RAB3IP: variants seen among roughly 807,000 people sequenced by gnomAD.
The protein encoded by RAB3IP is rab-3A-interacting protein.
A neutral mutation model predicts 59.1 loss-of-function variants in RAB3IP; 36 were observed. That is an observed-to-expected ratio of 0.61 (90% confidence interval 0.47 to 0.80). The LOEUF (loss-of-function observed/expected upper bound fraction) is 0.80, where lower values mean the gene tolerates loss of function less well. Among genes scored for constraint, RAB3IP ranks in the 30% least tolerant of loss-of-function variants. The probability of loss-of-function intolerance (pLI) is 0.00; values close to 1 mark genes in which losing one functional copy is unlikely to be tolerated. For synonymous variants in RAB3IP, 207 were observed against 191.2 expected (o/e 1.08, Z -0.68); for missense variants, 511 against 536.0 (o/e 0.95, Z 0.46).
intron 10 of RAB3IP, 64 bp downstream of exon 10, chr12:69,813,097 TCAA>T: frequency 1.6e-6 from 2 of 1,221,370 alleles, no homozygotes; most frequent in East Asian, 2.4e-5. Context: ...TAAGTAAAGT[TCAA>T]CAAAAAGTAT....
In RAB3IP at chr12:69,816,440, A is replaced by G. The variant is rs1480483539; in HGVS notation, c.*994A>G. ...AGATATTTTCTACTTACATATGCAT[A>G]TTTTTGAAACAAAAAGTAGGCTTTT... is the stretch of plus-strand genomic sequence containing the variant. On this transcript the variant is annotated 3_prime_UTR_variant, in exon 11 of 11. Transcript: ENST00000247833. 6.6e-6 allele frequency: 1 copy of G among 152,144 alleles called. No individual in the cohort carries two copies. 9.4% of individuals were successfully genotyped at this position (152,144 alleles called of 1,614,324 possible). A position where few individuals can be genotyped will look rare whatever the true frequency, so the allele number is the denominator to read the frequency against.
chr12:69,770,304 G>A (rs187538732), intron 3 of RAB3IP, among the ~76,000 whole-genome samples: 25 of 152,102 alleles, frequency 1.6e-4, no homozygotes, highest in African/African-American at 4.6e-4. Context: ...CCACCCTGCC[G>A]GGGATTCCAA....
intron 3 of RAB3IP, among the ~76,000 whole-genome samples, chr12:69,762,756 C>CAAAAAAAAAAAAAAAAAAAAAA (rs11445702): frequency 2.6e-5 from 2 of 76,764 alleles, no homozygotes; most frequent in Non-Finnish European, 4.5e-5. Context: ...GACTCCGTCT[C>CAAAAAAAAAAAAAAAAAAAAAA]AAAAAAAAAA....
chr12:69,771,122 C>G (rs2136173462), intron 3 of RAB3IP, among the ~76,000 whole-genome samples: 1 of 152,292 alleles, frequency 6.6e-6, no homozygotes, highest in South Asian at 2.1e-4. Context: ...TCCTTCTGTA[C>G]TTGGTTTATT....
At chr12:69,779,586 T>C (rs2136190987) in intron 3 of RAB3IP, among the ~76,000 whole-genome samples, 1 of 152,190 alleles carries the variant, frequency 6.6e-6, no homozygotes, top group South Asian at 2.1e-4. Flanking sequence ...TCACTTATCC[T>C]GCCTTTGAGC....
chr12:69,761,890 A>T (rs1208655201), intron 3 of RAB3IP, among the ~76,000 whole-genome samples: 2 of 152,072 alleles, frequency 1.3e-5, no homozygotes, highest in Non-Finnish European at 2.9e-5. Context: ...TAATTCAGAG[A>T]TCTGTTTCTC....
At chr12:69,803,784 T>C (rs1878776889) in intron 8 of RAB3IP, among the ~76,000 whole-genome samples, 1 of 152,184 alleles carries the variant, frequency 6.6e-6, no homozygotes, top group African/African-American at 2.4e-5. Flanking sequence ...TTGCTGAGAA[T>C]GATGGTTTCC....
intron 3 of RAB3IP, among the ~76,000 whole-genome samples, chr12:69,761,071 G>A (rs1485990912): frequency 6.6e-6 from 1 of 152,158 alleles, no homozygotes; most frequent in African/African-American, 2.4e-5. Flanking sequence ...GCTTGCTGGT[G>A]TTACAGTCTT....
chr12:69,764,373 A>T (rs539015275), intron 3 of RAB3IP, among the ~76,000 whole-genome samples: 3 of 152,194 alleles, frequency 2.0e-5, no homozygotes, highest in African/African-American at 4.8e-5. Context: ...CTAGCCAGCT[A>T]TCCTAGCACC....
intron 3 of RAB3IP, among the ~76,000 whole-genome samples, chr12:69,783,340 T>C (rs915913085): frequency 6.6e-6 from 1 of 152,246 alleles, no homozygotes; most frequent in East Asian, 1.9e-4. Flanking sequence ...CATCCCATCA[T>C]AGGATACTTA....
Position 69,795,301 on chromosome 12 carries a change from A to C in RAB3IP, c.845A>C (p.Gln282Pro). The change falls in exon 6 of 11, where the codon CAG becomes CCG. Residue 282 changes from glutamine (Q) to proline (P), a missense_variant. Physicochemically the swap from Gln to Pro is moderately conservative, Grantham distance 76 (BLOSUM62 -1). Coordinates refer to ENST00000247833, the MANE Select transcript of RAB3IP (RefSeq NM_022456.5). ...AGCAGTGCTATGAGTGGCAGTCATC[A>C]GGACCTCAGTGTGATACAGCCAATT... ...STSSAMSGSH[Q>P]DLSVIQPIVK... 6.2e-7 allele frequency: 1 copy of C among 1,614,142 alleles called. No individual in the cohort carries two copies. The highest frequency in any genetic ancestry group is 8.5e-7 in the Non-Finnish European group (1 of 1,179,974).
chr12:69,801,765 G>A, intron 8 of RAB3IP, 44 bp downstream of exon 8: 1 of 1,188,142 alleles, frequency 8.4e-7, no homozygotes, highest in Non-Finnish European at 1.3e-6. Flanking sequence ...CTGAGTTTTT[G>A]AAATGTTATG....
At position 69,821,628 on chromosome 12, in the gene RAB3IP, A is replaced by G. The variant is rs1342626355; in HGVS notation, c.*6182A>G. On this transcript the variant is annotated 3_prime_UTR_variant, in exon 11 of 11. Transcript: ENST00000247833. Reference sequence around the variant, plus strand: ...TTTTGGTTTATTTTTCTGTTTGTCCATCTTGTTTTTGAACAATTGCCAGCA... The same window carrying G: ...TTTTGGTTTATTTTTCTGTTTGTCCGTCTTGTTTTTGAACAATTGCCAGCA... The G allele has an allele frequency of 6.6e-6, 1 of 152,288 alleles. No individual in the cohort carries two copies. Among genetic ancestry groups the G allele is most frequent in the Non-Finnish European group, 1.5e-5 (1 of 68,016 alleles). The allele number at this position is 152,288 out of a possible 1,614,324, so 9.4% of individuals were successfully genotyped here.
At chr12:69,738,656 G>A (rs1886904663), upstream of RAB3IP, 1 of 152,044 alleles carries the variant, frequency 6.6e-6, no homozygotes, top group South Asian at 2.1e-4. Context: ...CTGGTTCCCA[G>A]GGAAACCGCC....
At chr12:69,759,554 G>GGGC (rs1311519495) in intron 3 of RAB3IP, among the ~76,000 whole-genome samples, 43 of 151,856 alleles carry the variant, frequency 2.8e-4, no homozygotes, top group Admixed American at 1.4e-3. Context: ...TTCCCAGAAG[G>GGGC]GGCGGCCGGG....
chr12:69,738,745 C>T (rs1886918157), upstream of RAB3IP: 1 of 140,238 alleles, frequency 7.1e-6, no homozygotes, highest in African/African-American at 2.5e-5. Context: ...AGCGCGTCCG[C>T]CCCCAGGCCC....
intron 3 of RAB3IP, among the ~76,000 whole-genome samples, chr12:69,781,350 T>G (rs143672666): frequency 6.6e-6 from 1 of 152,234 alleles, no homozygotes; most frequent in Non-Finnish European, 1.5e-5. Context: ...GTACATTTCT[T>G]AAAATTAATA....
At chr12:69,793,547 A>G (rs1257034227) in intron 4 of RAB3IP, among the ~76,000 whole-genome samples, 1 of 152,190 alleles carries the variant, frequency 6.6e-6, no homozygotes, top group Non-Finnish European at 1.5e-5. Context: ...CAAGCACCCT[A>G]TATATGCTTC....
chr12:69,812,241 TTA>T (rs1880565072), intron 8 of RAB3IP: 2 of 152,476 alleles, frequency 1.3e-5, no homozygotes, highest in African/African-American at 4.8e-5. Flanking sequence ...AGTGAACTTG[TTA>T]CATGATTGTT....
Sources: gnomAD v4.1 joint callset for allele counts (sites outside exome capture counted in the v4.1 genomes callset) on GRCh38, gnomAD v4.1.1 for gene constraint, MANE v1.5 for transcripts, NCBI Gene and HGNC (gene_info 2026-07-23, HGNC 2026-07-21) for gene names.